Variants in MRC1 observed in about 807,000 individuals in gnomAD.
MRC1 encodes the protein macrophage mannose receptor 1.
Under a neutral mutation model 102.9 loss-of-function variants are expected in MRC1, and 62 were observed. That is an observed-to-expected ratio of 0.60 (90% CI 0.49 to 0.74). The LOEUF (loss-of-function observed/expected upper bound fraction) is 0.74, where lower values mean the gene tolerates loss of function less well. Among genes scored for constraint, MRC1 ranks in the 30% least tolerant of loss-of-function variants. The probability of loss-of-function intolerance (pLI) is 0.00; values close to 1 mark genes in which losing one functional copy is unlikely to be tolerated. For missense variants in MRC1, 1,237 were observed against 862.8 expected (o/e 1.43, Z -5.43); for synonymous variants, 457 against 298.4 (o/e 1.53, Z -5.48).
chr10:17,820,427 T>TA (rs1204822402), intron 1 of MRC1, among the ~76,000 whole-genome samples: 1 of 152,012 alleles, frequency 6.6e-6, no homozygotes, highest in Non-Finnish European at 1.5e-5. Flanking sequence ...GAACTGCAGA[T>TA]AAAAATTAGG....
chr10:17,825,500 G>A lies in MRC1; in HGVS notation c.463+2025G>A, dbSNP rs996218036. ...TCACGCCTGTAATCCCAGCACCTTG[G>A]GAGGCTAAGGCAAGAGGATCACTTG... On this transcript the variant is annotated intron_variant, in intron 2 of 29. Transcript: ENST00000569591. 9.2e-5 allele frequency among the ~76,000 whole-genome samples: 14 copies of A among 152,242 alleles called. No homozygotes were observed. In the South Asian group the frequency reaches 2.3e-3, roughly 25 times the overall value.
At chr10:17,863,425 T>G in intron 10 of MRC1, 109 bp from the exon 11 acceptor site, 1 of 745,608 alleles carries the variant, frequency 1.3e-6, no homozygotes, top group Non-Finnish European at 2.5e-6. Context: ...GAATTACCAG[T>G]TCAGTTATAG....
Position 17,839,626 on chromosome 10 carries a change from T to C in MRC1, c.803-1067T>C, listed in dbSNP as rs908367951. ...GAGTTGGAGAGCAACCTGAGCACCA[T>C]AGTGAGACTCCATCTCTAAAAAATA... On this transcript the variant is annotated intron_variant, in intron 4 of 29. Transcript: ENST00000569591. 1.3e-4 allele frequency among the ~76,000 whole-genome samples: 20 copies of C among 152,248 alleles called. 1 individual carries two copies. The East Asian group carries it at 3.9e-3, about 29-fold the overall frequency.
rs1259779922 is a variant in MRC1, at chr10:17,865,829, C to T, written c.1784-733C>T. Among the ~76,000 whole-genome samples the T allele has an allele frequency of 2.0e-5, 3 of 152,184 alleles. No homozygotes were observed. In the East Asian group the frequency reaches 5.8e-4, roughly 29 times the overall value. On this transcript the variant is annotated intron_variant, in intron 11 of 29. Transcript: ENST00000569591. ...AAAATATTCTAAAAAAGGTGTACCT[C>T]CCCAGAACTTCATGAATGACTTCTA...
intron 8 of MRC1, among the ~76,000 whole-genome samples, chr10:17,853,598 GTGTA>G (rs1348411616): frequency 0.065 from 9,314 of 144,054 alleles, 374 homozygotes; most frequent in Middle Eastern, 0.1. Context: ...GTGTGTGTGT[GTGTA>G]TATATATATA....
At chr10:17,895,256 T>C (rs1245276309) in intron 23 of MRC1, among the ~76,000 whole-genome samples, 4 of 151,830 alleles carry the variant, frequency 2.6e-5, no homozygotes, top group Admixed American at 2.6e-4. Flanking sequence ...AAATAAAATA[T>C]ATGATCATTT....
At chr10:17,816,625 C>CGTG (rs1386740826) in intron 1 of MRC1, among the ~76,000 whole-genome samples, 1 of 152,164 alleles carries the variant, frequency 6.6e-6, no homozygotes, top group Admixed American at 6.5e-5. Flanking sequence ...GGGCAAAAGG[C>CGTG]GTGGTGCTGG....
At chr10:17,897,420 A>G (rs1273716936) in intron 23 of MRC1, among the ~76,000 whole-genome samples, 5 of 152,162 alleles carry the variant, frequency 3.3e-5, no homozygotes, top group African/African-American at 1.2e-4. Context: ...GGATAAGATT[A>G]TGGGAGGCTT....
intron 22 of MRC1, among the ~76,000 whole-genome samples, chr10:17,888,224 C>A (rs1342750871): frequency 6.6e-6 from 1 of 152,150 alleles, no homozygotes; most frequent in Non-Finnish European, 1.5e-5. Context: ...TGGATTGTAA[C>A]AGGTTTTCTG....
intron 15 of MRC1, among the ~76,000 whole-genome samples, chr10:17,872,686 T>C (rs1833371214): frequency 6.6e-6 from 1 of 152,170 alleles, no homozygotes; most frequent in African/African-American, 2.4e-5. Context: ...AGCCAAACCA[T>C]GTTATTGATG....
At chr10:17,879,147 A>G (rs1243805004) in intron 18 of MRC1, among the ~76,000 whole-genome samples, 1 of 152,146 alleles carries the variant, frequency 6.6e-6, no homozygotes, top group Non-Finnish European at 1.5e-5. Flanking sequence ...GCTCACTTCC[A>G]GAGTAATCAG....
Position 17,827,435 on chromosome 10 carries a change from G to T in MRC1, c.464-107G>T. 4 of 504,650 alleles carry T rather than the reference G, an allele frequency of 7.9e-6. 1 individual carries two copies. The highest frequency in any genetic ancestry group is 5.4e-4 in the Middle Eastern group (1 of 1,840). The allele number at this position is 504,650 out of a possible 1,614,324, so 31.3% of individuals were successfully genotyped here. A position where few individuals can be genotyped will look rare whatever the true frequency, so the allele number is the denominator to read the frequency against. ...AGAAATCCCTCTGTGGGTGCATCAA[G>T]TGTAATCAGAACAGTAAGACCAATT... On this transcript the variant is annotated intron_variant, in intron 2 of 29. Coordinates refer to ENST00000569591, the MANE Select transcript of MRC1 (RefSeq NM_002438.4).
At chr10:17,885,192 C>T (rs1359595641) in intron 21 of MRC1, 77 bp from the exon 22 acceptor site, 8 of 776,094 alleles carry the variant, frequency 1.0e-5, no homozygotes, top group Non-Finnish European at 1.9e-5. Context: ...TTTTGAAATT[C>T]ATATATTTTG....
intron 7 of MRC1, among the ~76,000 whole-genome samples, chr10:17,852,386 C>T (rs1209629838): frequency 6.6e-6 from 1 of 152,144 alleles, no homozygotes; most frequent in East Asian, 1.9e-4. Context: ...CAAGTCTCAC[C>T]TCTTGGTTTA....
At chr10:17,835,988 G>C (rs1376884266) in intron 4 of MRC1, among the ~76,000 whole-genome samples, 3 of 152,336 alleles carry the variant, frequency 2.0e-5, no homozygotes, top group South Asian at 2.1e-4. Flanking sequence ...GCAGAGCAGA[G>C]AGGCTGAGAG....
At chr10:17,887,485 A>G (rs1053380485) in intron 22 of MRC1, among the ~76,000 whole-genome samples, 16 of 152,248 alleles carry the variant, frequency 1.1e-4, no homozygotes, top group Admixed American at 5.9e-4. Context: ...CATGACACCA[A>G]TGAGGGCTGA....
chr10:17,846,006 T>C (rs1334679328), intron 6 of MRC1, among the ~76,000 whole-genome samples: 2 of 152,172 alleles, frequency 1.3e-5, no homozygotes, highest in African/African-American at 4.8e-5. Context: ...GCCTCCTGGG[T>C]TCGTGATTCT....
At chr10:17,825,516 G>A (rs961181734) in intron 2 of MRC1, among the ~76,000 whole-genome samples, 3 of 152,146 alleles carry the variant, frequency 2.0e-5, no homozygotes, top group Non-Finnish European at 2.9e-5. Context: ...TAAGGCAAGA[G>A]GATCACTTGA....
chr10:17,853,269 G>C (rs1403093027), intron 8 of MRC1, 145 bp downstream of exon 8: 1 of 690,232 alleles, frequency 1.4e-6, no homozygotes, highest in African/African-American at 1.8e-5. Flanking sequence ...ATTCAGATTT[G>C]ATTTCTTGAA....
Sources: gnomAD v4.1 joint callset for allele counts (sites outside exome capture counted in the v4.1 genomes callset) on GRCh38, gnomAD v4.1.1 for gene constraint, MANE v1.5 for transcripts, NCBI Gene and HGNC (gene_info 2026-07-23, HGNC 2026-07-21) for gene names.